Variants in PAFAH1B1 observed in about 807,000 individuals in gnomAD.
PAFAH1B1 encodes platelet-activating factor acetylhydrolase IB subunit beta.
Under a neutral mutation model 57.5 loss-of-function variants are expected in PAFAH1B1, and 2 were observed. The ratio of observed to expected loss-of-function variants is 0.03; its 90% CI spans 0.01 to 0.11. The LOEUF (loss-of-function observed/expected upper bound fraction) is 0.11. PAFAH1B1 is among the 10% of genes least tolerant of loss of function. PAFAH1B1 has a pLI of 1.00. For synonymous variants in PAFAH1B1, 152 were observed against 169.6 expected (o/e 0.90, Z 0.81); for missense variants, 257 against 512.0 (o/e 0.50, Z 4.81).
intron 2 of PAFAH1B1, among the ~76,000 whole-genome samples, chr17:2,657,200 G>T (rs1301791514): frequency 6.6e-6 from 1 of 152,180 alleles, no homozygotes; most frequent in African/African-American, 2.4e-5. Flanking sequence ...TCTTAATGAA[G>T]ACCTTTCCGT....
chr17:2,669,111 A>G (rs2069146262), intron 5 of PAFAH1B1, among the ~76,000 whole-genome samples: 1 of 152,212 alleles, frequency 6.6e-6, no homozygotes, highest in Non-Finnish European at 1.5e-5. Context: ...AATAGAGTAT[A>G]TGAAGGCTTT....
chr17:2,607,698 C>G (rs2068221640), intron 1 of PAFAH1B1, among the ~76,000 whole-genome samples: 1 of 151,806 alleles, frequency 6.6e-6, no homozygotes, highest in Non-Finnish European at 1.5e-5. Flanking sequence ...TGGGGCCAGG[C>G]TGGTCTCAAA....
intron 1 of PAFAH1B1, among the ~76,000 whole-genome samples, chr17:2,625,365 C>A (rs191794427): frequency 6.6e-6 from 1 of 152,208 alleles, no homozygotes; most frequent in East Asian, 1.9e-4. Context: ...TCTTCTTATT[C>A]GTTATTTTGA....
intron 1 of PAFAH1B1, among the ~76,000 whole-genome samples, chr17:2,602,993 AC>A (rs1163033297): frequency 6.6e-6 from 1 of 152,072 alleles, no homozygotes; most frequent in African/African-American, 2.4e-5. Flanking sequence ...GTCTTCAGTC[AC>A]TTCAAGTTTC....
chr17:2,631,164 C>T (rs899199938), intron 1 of PAFAH1B1, among the ~76,000 whole-genome samples: 3 of 151,976 alleles, frequency 2.0e-5, no homozygotes, highest in Non-Finnish European at 4.4e-5. Context: ...TCACTAGAAC[C>T]CGGGAGGCAG....
chr17:2,647,425 T>C (rs2068783790), intron 2 of PAFAH1B1, among the ~76,000 whole-genome samples: 1 of 152,042 alleles, frequency 6.6e-6, no homozygotes, highest in Non-Finnish European at 1.5e-5. Context: ...TCTCAGCTAC[T>C]ATTTTGAAGG....
At chr17:2,609,117 G>T (rs2068237389) in intron 1 of PAFAH1B1, among the ~76,000 whole-genome samples, 2 of 152,318 alleles carry the variant, frequency 1.3e-5, no homozygotes, top group South Asian at 4.1e-4. Context: ...TCAACAGGCA[G>T]CCCACATTTT....
chr17:2,600,638 TTTTCA>T lies in PAFAH1B1; in HGVS notation c.-191+6634_-191+6638del, dbSNP rs563768840. Among the ~76,000 whole-genome samples the T allele has an allele frequency of 5.4e-3, 816 of 152,132 alleles. 1 individual carries two copies. Among genetic ancestry groups the T allele is most frequent in the Middle Eastern group, 0.024 (7 of 292 alleles). Reference sequence around the variant, plus strand: ...GATATACTAGTGTTTTATCTATTTCTTTTCATATTTTTATTTTATAAAAAATATGC... The same window carrying T: ...GATATACTAGTGTTTTATCTATTTCTTATTTTTATTTTATAAAAAATATGC... On this transcript the variant is annotated intron_variant, in intron 1 of 10. Transcript: ENST00000397195.
chr17:2,676,480 T>C, intron 8 of PAFAH1B1, 25 bp from the exon 9 acceptor site: 1 of 1,447,680 alleles, frequency 6.9e-7, no homozygotes, highest in Non-Finnish European at 9.7e-7. Flanking sequence ...TGTGGGAAAC[T>C]TAATTTTTAT....
chr17:2,617,962 A>G (rs2068369137), intron 1 of PAFAH1B1, among the ~76,000 whole-genome samples: 1 of 138,464 alleles, frequency 7.2e-6, no homozygotes, highest in African/African-American at 2.7e-5. Flanking sequence ...AAAAACTTGC[A>G]TTTAGGCCGG....
intron 9 of PAFAH1B1, among the ~76,000 whole-genome samples, chr17:2,678,910 C>G (rs2069318394): frequency 6.6e-6 from 1 of 152,188 alleles, no homozygotes; most frequent in Non-Finnish European, 1.5e-5. Flanking sequence ...TTTTGCAGTG[C>G]TGTGCTATAA....
At chr17:2,670,066 TACTC>T in intron 5 of PAFAH1B1, 93 bp from the exon 6 acceptor site, 2 of 930,714 alleles carry the variant, frequency 2.1e-6, no homozygotes, top group South Asian at 2.6e-5. Context: ...TTCGGTTAGT[TACTC>T]AGTAAGGTGC....
At chr17:2,637,458 C>T (rs192600246) in intron 1 of PAFAH1B1, among the ~76,000 whole-genome samples, 1 of 152,192 alleles carries the variant, frequency 6.6e-6, no homozygotes, top group East Asian at 1.9e-4. Context: ...GTGGTGTGTG[C>T]CTGTCGTCCC....
At chr17:2,614,042 T>TTTTTG (rs2068306189) in intron 1 of PAFAH1B1, 1 of 152,126 alleles carries the variant, frequency 6.6e-6, no homozygotes, top group African/African-American at 2.5e-5. Flanking sequence ...TTTTTTTTTT[T>TTTTTG]GAGACGTGGG....
At chr17:2,661,026 G>GT (rs1002826154) in intron 2 of PAFAH1B1, among the ~76,000 whole-genome samples, 1 of 151,816 alleles carries the variant, frequency 6.6e-6, no homozygotes, top group African/African-American at 2.4e-5. Context: ...TTTTTCATAT[G>GT]TTTTTTGGCC....
chr17:2,602,261 AC>A (rs1256034456), intron 1 of PAFAH1B1, among the ~76,000 whole-genome samples: 1 of 151,966 alleles, frequency 6.6e-6, no homozygotes, highest in Non-Finnish European at 1.5e-5. Context: ...GAAAAAAAAA[AC>A]AAAACAGCGA....
intron 1 of PAFAH1B1, among the ~76,000 whole-genome samples, chr17:2,598,598 CTT>C (rs753116217): frequency 1.4e-4 from 19 of 140,446 alleles, no homozygotes; most frequent in South Asian, 4.5e-4. Context: ...ACAACTATTA[CTT>C]TTTTTTTTTT....
intron 1 of PAFAH1B1, among the ~76,000 whole-genome samples, chr17:2,634,487 C>G (rs2068596979): frequency 6.6e-6 from 1 of 152,140 alleles, no homozygotes; most frequent in South Asian, 2.1e-4. Flanking sequence ...TGACTTTCTC[C>G]CTTTCTGGCT....
chr17:2,623,630 G>GTT (rs59737147), intron 1 of PAFAH1B1, among the ~76,000 whole-genome samples: 21 of 133,142 alleles, frequency 1.6e-4, no homozygotes, highest in African/African-American at 4.4e-4. Context: ...CTACTTCCCC[G>GTT]TTTTTTTTTT....
Sources: allele counts gnomAD v4.1 joint callset (sites outside exome capture counted in the v4.1 genomes callset), GRCh38; gene constraint gnomAD v4.1.1; transcripts MANE v1.5; gene names NCBI Gene and HGNC (gene_info 2026-07-23, HGNC 2026-07-21).